OSCP1: variants seen among roughly 807,000 people sequenced by gnomAD.
OSCP1 encodes organic solute carrier partner 1.
A neutral mutation model predicts 45.1 loss-of-function variants in OSCP1; 35 were observed. The observed-to-expected ratio is 0.78, with a 90% confidence interval of 0.59 to 1.03. The LOEUF is 1.03. Among genes scored for constraint, OSCP1 ranks in the 50% least tolerant of loss-of-function variants. The pLI is 0.00. For synonymous variants in OSCP1, 179 were observed against 180.1 expected (o/e 0.99, Z 0.05); for missense variants, 400 against 470.7 (o/e 0.85, Z 1.39).
intron 1 of OSCP1, 31 bp downstream of exon 1, chr1:36,450,227 G>A (rs750619496): frequency 1.3e-6 from 2 of 1,577,964 alleles, no homozygotes; most frequent in South Asian, 2.2e-5. Context: ...GCTGGCTGCG[G>A]GTCTGGCTGA....
chr1:36,432,489 T>C lies in OSCP1; in HGVS notation c.368A>G (p.Lys123Arg), dbSNP rs2124791987. Reference protein sequence around the residue: ...LVTFNHLDTIKGFIRDSPTIL... With the variant: ...LVTFNHLDTIRGFIRDSPTIL... ...GGTTGGGGAGTCTCGGATGAATCCC[T>C]TGATGGTATCCAAGTGATTGAAAGT... Residue 123 changes from lysine to arginine, a missense_variant, in exon 3 of 10, where the codon AAG becomes AGG. Lys to Arg is a conservative substitution (Grantham distance 26). Coordinates refer to ENST00000235532, the MANE Select transcript of OSCP1 (RefSeq NM_145047.5). 5 of 1,614,162 alleles carry C rather than the reference T, an allele frequency of 3.1e-6. No homozygotes were observed. Among genetic ancestry groups the C allele is most frequent in the Non-Finnish European group, 4.2e-6 (5 of 1,180,006 alleles).
chr1:36,425,718 G>A (rs934238326), intron 4 of OSCP1, among the ~76,000 whole-genome samples: 2 of 146,256 alleles, frequency 1.4e-5, no homozygotes, highest in Middle Eastern at 7.2e-3. Flanking sequence ...GGGCAACAGA[G>A]CAAGACTCTA....
intron 2 of OSCP1, among the ~76,000 whole-genome samples, chr1:36,433,967 G>A (rs1314353137): frequency 1.3e-5 from 2 of 152,178 alleles, no homozygotes; most frequent in African/African-American, 4.8e-5. Flanking sequence ...GGAAGATCAC[G>A]CGATATTTAG....
In OSCP1 at chr1:36,433,461, GCAA is replaced by G. The variant is rs776595654; in HGVS notation, c.268-875_268-873del. Among the ~76,000 whole-genome samples the G allele has an allele frequency of 4.7e-4, 67 of 143,252 alleles. 1 individual carries two copies. Among genetic ancestry groups the G allele is most frequent in the South Asian group, 2.3e-3 (9 of 3,914 alleles). 94.0% of individuals were successfully genotyped at this position (143,252 alleles called of 152,430 possible). On this transcript the variant is annotated intron_variant, in intron 2 of 9. Coordinates refer to ENST00000235532, the MANE Select transcript of OSCP1 (RefSeq NM_145047.5). ...TGGGTAAGTATGGCAAATGAAGATG[GCAA>G]CAATAGAAACTGGGGACTGCAAGAA...
In OSCP1 at chr1:36,418,953, C is replaced by T. The variant is rs551429680; in HGVS notation, c.1023+38G>A. ...AGAAAAAAAAAAAAAGATGAGGAAG[C>T]GAATACGATTGGACCCTGTGTTATC... is the stretch of plus-strand genomic sequence containing the variant. On this transcript the variant is annotated intron_variant, in intron 9 of 9. Transcript: ENST00000235532. The T allele has an allele frequency of 6.6e-5, 98 of 1,479,030 alleles. 1 individual carries two copies. Among genetic ancestry groups the T allele is most frequent in the South Asian group, 1.5e-4 (12 of 82,652 alleles). 91.6% of individuals were successfully genotyped at this position (1,479,030 alleles called of 1,614,324 possible).
chr1:36,432,518 C>T lies in OSCP1; in HGVS notation c.339G>A (p.Leu113=). The change falls in exon 3 of 10, where the codon CTG becomes CTA. Residue 113 remains leucine, a synonymous_variant. Transcript: ENST00000235532. The part of the protein sequence containing the change: ...LLCPRPKDVL[L]VTFNHLDTIK... ...TGGTATCCAAGTGATTGAAAGTGAC[C>T]AGCAGCACATCCTTGGGTCGGGGAC... is the stretch of plus-strand genomic sequence containing the variant. The T allele has an allele frequency of 2.5e-6, 4 of 1,614,022 alleles. No individual in the cohort carries two copies. Among genetic ancestry groups the T allele is most frequent in the Non-Finnish European group, 1.7e-6 (2 of 1,179,994 alleles).
Position 36,449,304 on chromosome 1 carries a change from C to G in OSCP1, c.112+954G>C, listed in dbSNP as rs1649731222. Among the ~76,000 whole-genome samples, 3 of 152,128 alleles carry G rather than the reference C, an allele frequency of 2.0e-5. No homozygotes were observed. The South Asian group carries it at 6.2e-4, about 31-fold the overall frequency. The stretch of plus-strand genomic sequence containing the variant: ...AGAGTGGCAGAGTGTTCTGAGTCGT[C>G]ATTTTTCTGGGGATTAGTGTGGTGT... On this transcript the variant is annotated intron_variant, in intron 1 of 9. Transcript: ENST00000235532.
At chr1:36,420,312 C>T (rs1647541704) in intron 8 of OSCP1, 164 bp downstream of exon 8, 2 of 877,602 alleles carry the variant, frequency 2.3e-6, no homozygotes, top group Admixed American at 3.0e-5. Flanking sequence ...AAGATTCAGG[C>T]CATTTCATCC....
At chr1:36,448,728 A>G (rs1403363151) in intron 1 of OSCP1, among the ~76,000 whole-genome samples, 1 of 152,370 alleles carries the variant, frequency 6.6e-6, no homozygotes, top group Admixed American at 6.5e-5. Context: ...GCACAGAAAT[A>G]CGAACAAACA....
chr1:36,449,118 A>C (rs1649716367), intron 1 of OSCP1, among the ~76,000 whole-genome samples: 1 of 152,246 alleles, frequency 6.6e-6, no homozygotes, highest in Admixed American at 6.5e-5. Context: ...TTGAGCATAC[A>C]AAGATTAATG....
In OSCP1 at chr1:36,447,211, G is replaced by T. The variant is rs1649597111; in HGVS notation, c.112+3047C>A. On this transcript the variant is annotated intron_variant, in intron 1 of 9. Coordinates refer to ENST00000235532, the MANE Select transcript of OSCP1 (RefSeq NM_145047.5). The surrounding 1 kb of genome is among the most constrained non-coding windows in gnomAD (Gnocchi z 4.1). ...CCTGTGGCCACAACAACTTTAAATG[G>T]TGGAATAGGTGGAAGACATGAGTAT... Among the ~76,000 whole-genome samples the T allele has an allele frequency of 6.6e-6, 1 of 152,180 alleles. No homozygotes were observed. The highest frequency in any genetic ancestry group is 1.5e-5 in the Non-Finnish European group (1 of 68,018).
At chr1:36,421,571 C>T (rs1647617356) in intron 7 of OSCP1, among the ~76,000 whole-genome samples, 1 of 152,194 alleles carries the variant, frequency 6.6e-6, no homozygotes, top group African/African-American at 2.4e-5. Context: ...CACCGTCTTT[C>T]CCAGGGTACC....
At chr1:36,446,930 G>A (rs11263898) in intron 1 of OSCP1, among the ~76,000 whole-genome samples, 40,199 of 152,118 alleles carry the variant, frequency 0.26, 5,936 homozygotes, top group Middle Eastern at 0.4. Flanking sequence ...TGCAACACTC[G>A]ATAGTTGCCT....
chr1:36,428,359 G>T (rs1428274858), intron 4 of OSCP1: 2 of 1,613,930 alleles, frequency 1.2e-6, no homozygotes, highest in Non-Finnish European at 1.7e-6. Context: ...TCTCAAAAGG[G>T]TATACATAAT....
At chr1:36,441,139 A>C (rs992137285) in intron 1 of OSCP1, among the ~76,000 whole-genome samples, 1 of 152,254 alleles carries the variant, frequency 6.6e-6, no homozygotes, top group African/African-American at 2.4e-5. Flanking sequence ...TGCTGGGAAG[A>C]GGACGGCGGG....
intron 4 of OSCP1, among the ~76,000 whole-genome samples, chr1:36,427,061 C>A (rs1648011645): frequency 6.7e-6 from 1 of 148,490 alleles, no homozygotes; most frequent in South Asian, 2.1e-4. Context: ...AGTACAGTGG[C>A]ATGATCTCGG....
chr1:36,428,881 G>T (rs1440179222), intron 4 of OSCP1, among the ~76,000 whole-genome samples: 2 of 152,162 alleles, frequency 1.3e-5, no homozygotes, highest in Admixed American at 6.5e-5. Flanking sequence ...GGAGGTGGAG[G>T]TTGCAGTAAG....
At chr1:36,419,126 T>G in intron 8 of OSCP1, 72 bp from the exon 9 acceptor site, 1 of 1,378,106 alleles carries the variant, frequency 7.3e-7, no homozygotes, top group South Asian at 1.2e-5. Context: ...AACTGGCTCT[T>G]GATCAGTTGG....
At chr1:36,434,125 C>T (rs1648554440) in intron 2 of OSCP1, among the ~76,000 whole-genome samples, 2 of 151,982 alleles carry the variant, frequency 1.3e-5, no homozygotes, top group South Asian at 4.2e-4. Flanking sequence ...GATGTGGGAG[C>T]GGAAGAGCCA....
Sources: allele counts gnomAD v4.1 joint callset (sites outside exome capture counted in the v4.1 genomes callset), GRCh38; gene constraint gnomAD v4.1.1; non-coding constraint Gnocchi (gnomAD v3.1); transcripts MANE v1.5; gene names NCBI Gene and HGNC (gene_info 2026-07-23, HGNC 2026-07-21).